Variants in PLPPR1 observed in about 807,000 individuals in gnomAD.
The protein encoded by PLPPR1 is phospholipid phosphatase-related protein type 1.
PLPPR1 carries 10 observed loss-of-function variants against 33.1 expected under a neutral mutation model. The observed-to-expected ratio is 0.30, with a 90% CI of 0.19 to 0.51. PLPPR1 has a LOEUF of 0.51. Among genes scored for constraint, PLPPR1 ranks in the 20% least tolerant of loss-of-function variants. The pLI is 0.97. For missense variants in PLPPR1, 304 were observed against 408.1 expected (o/e 0.74, Z 2.20); for synonymous variants, 151 against 151.0 (o/e 1.00, Z 0.00).
chr9:101,075,273 T>C (rs926571335), intron 1 of PLPPR1, among the ~76,000 whole-genome samples: 1 of 152,200 alleles, frequency 6.6e-6, no homozygotes. Flanking sequence ...CAAAATAAAT[T>C]TGAATTCTGC....
chr9:101,126,670 G>A (rs1053559962), intron 1 of PLPPR1, among the ~76,000 whole-genome samples: 7 of 152,184 alleles, frequency 4.6e-5, no homozygotes, highest in Non-Finnish European at 1.0e-4. Flanking sequence ...TCCCATTAAG[G>A]AGAGAAAGAG....
intron 2 of PLPPR1, among the ~76,000 whole-genome samples, chr9:101,237,836 T>TAG (rs370193024): frequency 0.015 from 1,903 of 129,872 alleles, 64 homozygotes; most frequent in African/African-American, 0.049. Flanking sequence ...TATATATATA[T>TAG]GCTATATATG....
intron 1 of PLPPR1, among the ~76,000 whole-genome samples, chr9:101,181,405 G>A (rs1241548637): frequency 6.6e-6 from 1 of 150,700 alleles, no homozygotes; most frequent in Non-Finnish European, 1.5e-5. Flanking sequence ...ACAGTATGGA[G>A]GCTCCTCAGA....
chr9:101,203,606 A>G (rs2987737), intron 2 of PLPPR1, among the ~76,000 whole-genome samples: 108,696 of 151,812 alleles, frequency 0.72, 39,500 homozygotes, highest in Non-Finnish European at 0.78. Flanking sequence ...ATGTGGATCT[A>G]GTAGAAATTG....
chr9:101,283,143 G>T (rs1161411217), intron 3 of PLPPR1, among the ~76,000 whole-genome samples: 1 of 152,008 alleles, frequency 6.6e-6, no homozygotes, highest in Non-Finnish European at 1.5e-5. Context: ...AGCTATCAAT[G>T]ATATTTTTCA....
chr9:101,208,801 T>C (rs1297468588), intron 2 of PLPPR1, among the ~76,000 whole-genome samples: 2 of 152,194 alleles, frequency 1.3e-5, no homozygotes, highest in Non-Finnish European at 2.9e-5. Flanking sequence ...ACCTTTCACA[T>C]TTACAGAGAC....
At chr9:101,032,569 A>G (rs2118397852) in intron 1 of PLPPR1, among the ~76,000 whole-genome samples, 1 of 152,314 alleles carries the variant, frequency 6.6e-6, no homozygotes, top group Admixed American at 6.5e-5. Flanking sequence ...TGGCATCACC[A>G]GCATTTAGCA....
chr9:101,285,622 G>A (rs987374620), intron 3 of PLPPR1, among the ~76,000 whole-genome samples: 2 of 152,110 alleles, frequency 1.3e-5, no homozygotes, highest in Non-Finnish European at 2.9e-5. Flanking sequence ...ATATAAAGAA[G>A]AGTTAAATTC....
At chr9:101,246,083 T>TAGATAGATAG (rs1175011707) in intron 2 of PLPPR1, among the ~76,000 whole-genome samples, 18 of 97,014 alleles carry the variant, frequency 1.9e-4, no homozygotes, top group South Asian at 1.1e-3. Flanking sequence ...TATATATATA[T>TAGATAGATAG]ATATATATAT....
intron 2 of PLPPR1, among the ~76,000 whole-genome samples, chr9:101,250,096 A>T (rs951694303): frequency 2.6e-5 from 4 of 152,074 alleles, no homozygotes; most frequent in Non-Finnish European, 5.9e-5. Flanking sequence ...CTACGTTAGT[A>T]CCAAAGGCTT....
At chr9:101,094,609 G>T (rs1830791009) in intron 1 of PLPPR1, among the ~76,000 whole-genome samples, 2 of 152,066 alleles carry the variant, frequency 1.3e-5, no homozygotes, top group South Asian at 2.1e-4. Context: ...ACATTATATA[G>T]TTGTTGAATT....
At chr9:101,030,011 C>T (rs1166894931) in intron 1 of PLPPR1, among the ~76,000 whole-genome samples, 1 of 151,728 alleles carries the variant, frequency 6.6e-6, no homozygotes, top group Non-Finnish European at 1.5e-5. Flanking sequence ...TTCCTTTCAA[C>T]CTCTTTCCTG....
chr9:101,270,550 G>A (rs529220379), intron 3 of PLPPR1, among the ~76,000 whole-genome samples: 5 of 152,274 alleles, frequency 3.3e-5, no homozygotes, highest in African/African-American at 1.2e-4. Context: ...TTAACCTGAA[G>A]TTTGCTGTGA....
chr9:101,170,147 C>G (rs892027487), intron 1 of PLPPR1, among the ~76,000 whole-genome samples: 1 of 152,074 alleles, frequency 6.6e-6, no homozygotes, highest in Non-Finnish European at 1.5e-5. Flanking sequence ...GGTTACTGTG[C>G]TGACCAAGAC....
chr9:101,074,057 G>A (rs983006723), intron 1 of PLPPR1, among the ~76,000 whole-genome samples: 8 of 152,102 alleles, frequency 5.3e-5, no homozygotes, highest in Non-Finnish European at 1.2e-4. Context: ...GTATGACTCA[G>A]GCCTTGCCAT....
intron 2 of PLPPR1, among the ~76,000 whole-genome samples, chr9:101,255,276 T>C (rs1827778932): frequency 6.6e-6 from 1 of 152,142 alleles, no homozygotes; most frequent in Non-Finnish European, 1.5e-5. Flanking sequence ...GCATGACCAA[T>C]TTCAAGCTAC....
chr9:101,224,623 G>T (rs545840374), intron 2 of PLPPR1, among the ~76,000 whole-genome samples: 19 of 152,248 alleles, frequency 1.2e-4, no homozygotes, highest in African/African-American at 3.9e-4. Context: ...TGTGCAGCAG[G>T]TCTTCAAATA....
intron 1 of PLPPR1, among the ~76,000 whole-genome samples, chr9:101,080,538 AAAAC>A (rs753314556): frequency 1.1e-4 from 17 of 152,144 alleles, no homozygotes; most frequent in South Asian, 4.1e-4. Flanking sequence ...AAAATAAACA[AAAAC>A]AAACAAACAA....
intron 1 of PLPPR1, among the ~76,000 whole-genome samples, chr9:101,149,438 CG>C: frequency 6.6e-6 from 1 of 152,256 alleles, no homozygotes; most frequent in Admixed American, 6.5e-5. Flanking sequence ...TTATGGTTAT[CG>C]GGGGTACCCA....
Sources: allele counts gnomAD v4.1 joint callset (sites outside exome capture counted in the v4.1 genomes callset), GRCh38; gene constraint gnomAD v4.1.1; transcripts MANE v1.5; gene names NCBI Gene and HGNC (gene_info 2026-07-23, HGNC 2026-07-21).